Variants in DAG1 observed in about 807,000 individuals in gnomAD.
DAG1 encodes the protein dystroglycan 1.
A neutral mutation model predicts 46.1 loss-of-function variants in DAG1; 8 were observed. That is an observed-to-expected ratio of 0.17 (90% CI 0.10 to 0.31). The LOEUF (loss-of-function observed/expected upper bound fraction) is 0.31, where lower values mean the gene tolerates loss of function less well. Ranked by LOEUF, DAG1 falls within the 10% of genes least tolerant of loss-of-function variation. The pLI is 1.00. For missense variants in DAG1, 1,003 were observed against 1,189.9 expected, an observed-to-expected ratio of 0.84 and a Z score of 2.31; for synonymous variants, 495 against 481.8, an observed-to-expected ratio of 1.03 and a Z score of -0.36.
intron 1 of DAG1, among the ~76,000 whole-genome samples, chr3:49,487,893 G>A (rs1006502540): frequency 1.3e-5 from 2 of 151,568 alleles, no homozygotes; most frequent in African/African-American, 4.9e-5. Flanking sequence ...TCATAGAGAC[G>A]GGGTTTCACC....
At chr3:49,479,249 CT>C (rs564337891) in intron 1 of DAG1, among the ~76,000 whole-genome samples, 1 of 152,072 alleles carries the variant, frequency 6.6e-6, no homozygotes, top group Non-Finnish European at 1.5e-5. Flanking sequence ...GTGATCCCCC[CT>C]GATTCCTGGG....
At chr3:49,491,373 G>A (rs1275828261) in intron 1 of DAG1, among the ~76,000 whole-genome samples, 2 of 150,248 alleles carry the variant, frequency 1.3e-5, no homozygotes, top group African/African-American at 4.9e-5. Flanking sequence ...ATGCAGTGGC[G>A]TGTTTTTGGC....
chr3:49,498,699 A>G (rs2050373830), intron 1 of DAG1, among the ~76,000 whole-genome samples: 1 of 150,692 alleles, frequency 6.6e-6, no homozygotes, highest in Admixed American at 6.6e-5. Context: ...CATTTTCTTT[A>G]TTATTATTAT....
intron 2 of DAG1, among the ~76,000 whole-genome samples, chr3:49,529,449 C>G (rs2051283537): frequency 6.6e-6 from 1 of 152,166 alleles, no homozygotes; most frequent in Non-Finnish European, 1.5e-5. Flanking sequence ...AGCCTGGGGT[C>G]TCCTTTCCAA....
chr3:49,475,406 CT>C (rs11320656), intron 1 of DAG1, among the ~76,000 whole-genome samples: 22,624 of 124,242 alleles, frequency 0.18, 1,856 homozygotes, highest in Middle Eastern at 0.27. Context: ...ACCTGGCCAG[CT>C]TTTTTTTTTT....
chr3:49,497,568 T>A (rs1205759718), intron 1 of DAG1, among the ~76,000 whole-genome samples: 2 of 151,812 alleles, frequency 1.3e-5, no homozygotes, highest in Non-Finnish European at 2.9e-5. Context: ...GCTATTACTG[T>A]ACCACTGTAC....
chr3:49,522,211 T>C (rs1559571553), intron 2 of DAG1, among the ~76,000 whole-genome samples: 1 of 152,044 alleles, frequency 6.6e-6, no homozygotes, highest in Non-Finnish European at 1.5e-5. Flanking sequence ...TTTGTATTTT[T>C]AGTAGAGATG....
At chr3:49,512,249 C>T (rs1271333465) in intron 2 of DAG1, among the ~76,000 whole-genome samples, 1 of 152,106 alleles carries the variant, frequency 6.6e-6, no homozygotes, top group Non-Finnish European at 1.5e-5. Context: ...GTCGCCCAGG[C>T]TGGAGTGCAA....
At chr3:49,516,987 CTT>C (rs1172654035) in intron 2 of DAG1, among the ~76,000 whole-genome samples, 4 of 78,408 alleles carry the variant, frequency 5.1e-5, no homozygotes, top group Admixed American at 1.8e-4. Context: ...ACCCAAGAGG[CTT>C]TTTTTTTTTT....
At chr3:49,500,471 G>A (rs2050419386) in intron 1 of DAG1, among the ~76,000 whole-genome samples, 1 of 152,104 alleles carries the variant, frequency 6.6e-6, no homozygotes, top group Non-Finnish European at 1.5e-5. Context: ...GAGTCTCAGG[G>A]TCTGGGGTCT....
At chr3:49,497,640 C>T (rs915228444) in intron 1 of DAG1, among the ~76,000 whole-genome samples, 1 of 151,910 alleles carries the variant, frequency 6.6e-6, no homozygotes, top group Non-Finnish European at 1.5e-5. Context: ...TAACCCCAAA[C>T]CCACCTTTTT....
chr3:49,502,404 G>A (rs1575375042), intron 1 of DAG1, among the ~76,000 whole-genome samples: 3 of 152,240 alleles, frequency 2.0e-5, no homozygotes, highest in African/African-American at 7.2e-5. Context: ...TAACATTGCT[G>A]GTGAGCCTGT....
At position 49,533,017 on chromosome 3, in the gene DAG1, G is replaced by A; in HGVS notation, c.2506G>A (p.Val836Met). The change falls in exon 3 of 3, where the codon GTG becomes ATG. Residue 836 changes from valine (V) to methionine (M), a missense_variant. This residue lies in a region of DAG1 where 755 missense variants were observed against 854.1 expected (regional missense o/e 0.88). Coordinates refer to ENST00000308775, the MANE Select transcript of DAG1 (RefSeq NM_004393.6). The stretch of plus-strand genomic sequence containing the variant: ...CCCTCCTGAGTACCCCAACCAGAGT[G>A]TGCCCGAGACCACTCCTCTGAACCA... ...LPPPEYPNQS[V>M]PETTPLNQDT... 7 of 1,614,084 alleles carry A rather than the reference G, an allele frequency of 4.3e-6. No homozygotes were observed. Among genetic ancestry groups the A allele is most frequent in the African/African-American group, 1.3e-5 (1 of 75,024 alleles).
Position 49,510,591 on chromosome 3 carries a change from C to T in DAG1, c.57C>T (p.Leu19=), listed in dbSNP as rs768105958. The change falls in exon 2 of 3, where the codon CTC becomes CTT. Residue 19 remains leucine (L), a synonymous_variant. Transcript: ENST00000308775. ...TGCCCCTCTCGGGGAGGACCTTTCT[C>T]CTCCTGCTCTCTGTGGTTATGGCTC... is the stretch of plus-strand genomic sequence containing the variant. ...LLLPLSGRTF[L]LLLSVVMAQS... 38 of 1,613,908 alleles carry T rather than the reference C, an allele frequency of 2.4e-5. No individual in the cohort carries two copies. The highest frequency in any genetic ancestry group is 3.2e-5 in the Non-Finnish European group (38 of 1,180,010).
chr3:49,527,692 G>C (rs1323652475), intron 2 of DAG1, among the ~76,000 whole-genome samples: 1 of 152,028 alleles, frequency 6.6e-6, no homozygotes, highest in East Asian at 1.9e-4. Flanking sequence ...GATAGAGTGA[G>C]ACGCTGTCTA....
At position 49,532,635 on chromosome 3, in the gene DAG1, G is replaced by C. The variant is rs140204495; in HGVS notation, c.2124G>C (p.Thr708=). The change falls in exon 3 of 3, where the codon ACG becomes ACC. Residue 708 remains threonine (T), a synonymous_variant. Coordinates refer to ENST00000308775, the MANE Select transcript of DAG1 (RefSeq NM_004393.6). The surrounding 1 kb of genome is among the most constrained non-coding windows in gnomAD (Gnocchi z 5.4). ...TTAAGGCCACAAGCATCACTGTGAC[G>C]GGCTCTGGCAGTTGTCGGCACCTAC... is the stretch of plus-strand genomic sequence containing the variant. ...PDFKATSITV[T]GSGSCRHLQF... 9.3e-6 allele frequency: 15 copies of C among 1,613,750 alleles called. No individual in the cohort carries two copies. The African/African-American group carries it at 2.0e-4, about 22-fold the overall frequency.
rs748336781 is a variant in DAG1, at chr3:49,531,840, C to T, written c.1329C>T (p.Thr443=). The T allele has an allele frequency of 2.5e-6, 4 of 1,614,046 alleles. No homozygotes were observed. In the Admixed American group the frequency reaches 6.7e-5, roughly 27 times the overall value. Residue 443 remains threonine, a synonymous_variant, in exon 3 of 3, where the codon ACC becomes ACT. Transcript: ENST00000308775. This position sits in a 1 kb window ranked among gnomAD's most constrained non-coding sequence, Gnocchi z 7.0. ...KPATPSTDST[T]TTTRRPTKKP... ...CAACGCCTTCAACTGACTCCACCAC[C>T]ACCACGACTCGCAGGCCAACCAAGA...
At chr3:49,499,954 A>G (rs2050401697) in intron 1 of DAG1, among the ~76,000 whole-genome samples, 1 of 151,936 alleles carries the variant, frequency 6.6e-6, no homozygotes, top group African/African-American at 2.4e-5. Context: ...TATTATTGAT[A>G]ACTTGACATT....
intron 1 of DAG1, among the ~76,000 whole-genome samples, chr3:49,478,538 T>TAA (rs1553642852): frequency 3.0e-5 from 4 of 134,220 alleles, no homozygotes; most frequent in Non-Finnish European, 1.6e-5. Context: ...TTTTTTTTTT[T>TAA]TTTTTTTTTT....
Sources: gnomAD v4.1 joint callset for allele counts (sites outside exome capture counted in the v4.1 genomes callset) on GRCh38, gnomAD v4.1.1 for gene constraint, gnomAD v4.1.1 regional missense constraint, Gnocchi (gnomAD v3.1) non-coding constraint, MANE v1.5 for transcripts, NCBI Gene and HGNC (gene_info 2026-07-23, HGNC 2026-07-21) for gene names.